TENM4: variants seen among roughly 807,000 people sequenced by gnomAD.
TENM4 encodes teneurin transmembrane protein 4.
Under a neutral mutation model 243.3 loss-of-function variants are expected in TENM4, and 82 were observed. That is an observed-to-expected ratio of 0.34 (90% CI 0.28 to 0.40). The LOEUF (loss-of-function observed/expected upper bound fraction) is 0.40, where lower values mean the gene tolerates loss of function less well. TENM4 is among the 10% of genes least tolerant of loss of function. TENM4 has a pLI of 1.00. For missense variants in TENM4, 3,138 were observed against 3,673.3 expected (o/e 0.85, Z 3.77); for synonymous variants, 1,412 against 1,456.3 (o/e 0.97, Z 0.69).
intron 1 of TENM4, among the ~76,000 whole-genome samples, chr11:79,401,693 A>T (rs1206833813): frequency 1.3e-5 from 2 of 152,212 alleles, no homozygotes; most frequent in African/African-American, 4.8e-5. Flanking sequence ...CAGTTTACTT[A>T]ACATTGAAAC....
intron 1 of TENM4, among the ~76,000 whole-genome samples, chr11:79,404,806 A>G (rs1163059232): frequency 1.3e-5 from 2 of 152,148 alleles, no homozygotes; most frequent in Non-Finnish European, 2.9e-5. Flanking sequence ...TATCTATTCA[A>G]AATGATATAT....
intron 4 of TENM4, among the ~76,000 whole-genome samples, chr11:79,138,469 A>C (rs533159302): frequency 8.5e-6 from 1 of 117,064 alleles, no homozygotes; most frequent in Non-Finnish European, 1.6e-5. Context: ...ATTTTAATAT[A>C]TTATATACAA....
chr11:78,698,428 CAAACAAACAAAT>C (rs1859019681), intron 28 of TENM4, among the ~76,000 whole-genome samples: 1 of 152,078 alleles, frequency 6.6e-6, no homozygotes, highest in Admixed American at 6.6e-5. Flanking sequence ...ACCAACCAAA[CAAACAAACAAAT>C]AAACAAACAG....
At chr11:78,723,707 C>T (rs1170438490) in intron 23 of TENM4, among the ~76,000 whole-genome samples, 1 of 152,236 alleles carries the variant, frequency 6.6e-6, no homozygotes, top group East Asian at 1.9e-4. Context: ...GCACACTTCA[C>T]AGCCTCCAAA....
chr11:79,059,337 A>G (rs1860028385), intron 6 of TENM4, among the ~76,000 whole-genome samples: 1 of 152,044 alleles, frequency 6.6e-6, no homozygotes, highest in Non-Finnish European at 1.5e-5. Flanking sequence ...GATCCCTCAC[A>G]CTCAGTGAAA....
Position 78,889,982 on chromosome 11 carries a change from A to T in TENM4, c.887T>A (p.Phe296Tyr). ...LFKPGGTSPL[F>Y]CTTSPGYPLT... ...TGGGTACCCTGGTGATGTGGTGCAG[A>T]AGAGCGGGGAGGTGCCTCCAGGCTT... The change falls in exon 9 of 34, where the codon TTC becomes TAC. Residue 296 changes from phenylalanine to tyrosine, a missense_variant. Physicochemically the swap from Phe to Tyr is conservative, Grantham distance 22. Coordinates refer to ENST00000278550, the MANE Select transcript of TENM4 (RefSeq NM_001098816.3). 6.5e-7 allele frequency: 1 copy of T among 1,549,090 alleles called. No individual in the cohort carries two copies. The highest frequency in any genetic ancestry group is 8.7e-7 in the Non-Finnish European group (1 of 1,145,100).
At chr11:79,414,526 C>T (rs1267529047) in intron 1 of TENM4, among the ~76,000 whole-genome samples, 1 of 152,186 alleles carries the variant, frequency 6.6e-6, no homozygotes, top group South Asian at 2.1e-4. Context: ...AACTCAAACT[C>T]GAGAAGGGTA....
intron 12 of TENM4, among the ~76,000 whole-genome samples, chr11:78,851,167 C>T (rs1858528744): frequency 6.6e-6 from 1 of 152,222 alleles, no homozygotes; most frequent in Non-Finnish European, 1.5e-5. Flanking sequence ...TTCAGTATCA[C>T]TGGGTGATGG....
intron 1 of TENM4, among the ~76,000 whole-genome samples, chr11:79,313,862 C>T (rs1393253934): frequency 6.6e-6 from 1 of 152,126 alleles, no homozygotes; most frequent in Non-Finnish European, 1.5e-5. Context: ...GGAGTAAAGG[C>T]AGGGCCATTT....
At chr11:79,084,706 G>C (rs1860762913) in intron 4 of TENM4, among the ~76,000 whole-genome samples, 1 of 138,646 alleles carries the variant, frequency 7.2e-6, no homozygotes, top group Non-Finnish European at 1.6e-5. Flanking sequence ...GGGGGTTAGG[G>C]ATGGGGTAGG....
rs185616065 is a variant in TENM4, at chr11:79,077,470, C to T, written c.-65-7461G>A. 1.1e-4 allele frequency among the ~76,000 whole-genome samples: 16 copies of T among 152,232 alleles called. No individual in the cohort carries two copies. The South Asian group carries it at 2.5e-3, about 24-fold the overall frequency. Reference sequence around the variant, plus strand: ...ATTTCTCTTGCCTACAGTAAAAATACGCTTATATTGCAATCCAGGATACAC... The same window carrying T: ...ATTTCTCTTGCCTACAGTAAAAATATGCTTATATTGCAATCCAGGATACAC... On this transcript the variant is annotated intron_variant, in intron 4 of 33. Coordinates refer to ENST00000278550, the MANE Select transcript of TENM4 (RefSeq NM_001098816.3).
At chr11:79,231,807 G>A (rs1405297876) in intron 2 of TENM4, among the ~76,000 whole-genome samples, 2 of 152,224 alleles carry the variant, frequency 1.3e-5, no homozygotes. Context: ...GGCCAGGCGT[G>A]ATGGCTCATG....
chr11:78,943,163 C>T lies in TENM4; in HGVS notation c.494-39640G>A, dbSNP rs186557847. 3.9e-3 allele frequency among the ~76,000 whole-genome samples: 597 copies of T among 152,316 alleles called. 7 individuals are homozygous for T. The highest frequency in any genetic ancestry group is 0.014 in the African/African-American group (578 of 41,582). ...TTTGAGACAAGACGTGCTGAGTTTG[C>T]TCAGACAGCAAACGCAGTCTGTAGG... is the stretch of plus-strand genomic sequence containing the variant. On this transcript the variant is annotated intron_variant, in intron 6 of 33. Coordinates refer to ENST00000278550, the MANE Select transcript of TENM4 (RefSeq NM_001098816.3).
At chr11:78,997,700 T>C (rs1221153034) in intron 6 of TENM4, among the ~76,000 whole-genome samples, 2 of 152,226 alleles carry the variant, frequency 1.3e-5, no homozygotes, top group Non-Finnish European at 2.9e-5. Context: ...AGTGAAACTC[T>C]ACAGGCCTCA....
chr11:79,244,941 CA>C (rs1194757917), intron 2 of TENM4, among the ~76,000 whole-genome samples: 1 of 152,164 alleles, frequency 6.6e-6, no homozygotes, highest in Non-Finnish European at 1.5e-5. Flanking sequence ...CACCCTCTAA[CA>C]GCAGAAGGTA....
chr11:79,336,138 T>C (rs1020587217), intron 1 of TENM4, among the ~76,000 whole-genome samples: 1 of 151,714 alleles, frequency 6.6e-6, no homozygotes, highest in Non-Finnish European at 1.5e-5. Flanking sequence ...GGAAAAAAAA[T>C]GTAATTTTTA....
chr11:79,050,099 G>T (rs905322765), intron 6 of TENM4, among the ~76,000 whole-genome samples: 3 of 152,210 alleles, frequency 2.0e-5, no homozygotes, highest in Non-Finnish European at 4.4e-5. Flanking sequence ...CAGGGTATGG[G>T]CTCAGGTGCC....
chr11:79,425,657 C>G (rs948470240), intron 1 of TENM4, among the ~76,000 whole-genome samples: 3 of 152,226 alleles, frequency 2.0e-5, no homozygotes, highest in Non-Finnish European at 4.4e-5. Flanking sequence ...GTAGGTGCCT[C>G]TTAGCACACA....
At chr11:79,291,182 CTG>C (rs1231804697) in intron 2 of TENM4, among the ~76,000 whole-genome samples, 2 of 152,144 alleles carry the variant, frequency 1.3e-5, no homozygotes, top group African/African-American at 4.8e-5. Flanking sequence ...CCAGGTGACT[CTG>C]TGACCCTAGG....
Sources: gnomAD v4.1 joint callset for allele counts (sites outside exome capture counted in the v4.1 genomes callset) on GRCh38, gnomAD v4.1.1 for gene constraint, MANE v1.5 for transcripts, NCBI Gene and HGNC (gene_info 2026-07-23, HGNC 2026-07-21) for gene names.